LHX4: variants seen among roughly 807,000 people sequenced by gnomAD.
LHX4 encodes the protein LIM homeobox 4.
In LHX4, 16 loss-of-function variants were observed where a neutral mutation model predicts 39.2. That is an observed-to-expected ratio of 0.41 (90% CI 0.28 to 0.62). LHX4 has a LOEUF of 0.62. Among genes scored for constraint, LHX4 ranks in the 20% least tolerant of loss-of-function variants. LHX4 has a pLI of 0.33. For synonymous variants in LHX4, 206 were observed against 198.1 expected, an observed-to-expected ratio of 1.04 and a Z score of -0.33; for missense variants, 439 against 511.9, an observed-to-expected ratio of 0.86 and a Z score of 1.37.
intron 2 of LHX4, among the ~76,000 whole-genome samples, chr1:180,249,592 A>G (rs1334318680): frequency 6.6e-6 from 1 of 152,226 alleles, no homozygotes; most frequent in Non-Finnish European, 1.5e-5. Context: ...CTCATGCTGA[A>G]GCTGTGTATT....
At position 180,238,112 on chromosome 1, in the gene LHX4, C is replaced by A. The variant is rs563194899; in HGVS notation, c.76+7507C>A. ...TACATTGTGTATTTCATTTGTTACT[C>A]GACTCCTTATGTTAAAATATCCAAA... is the stretch of plus-strand genomic sequence containing the variant. On this transcript the variant is annotated intron_variant, in intron 1 of 5. Coordinates refer to ENST00000263726, the MANE Select transcript of LHX4 (RefSeq NM_033343.4). Among the ~76,000 whole-genome samples, 8 of 152,318 alleles carry A rather than the reference C, an allele frequency of 5.3e-5. No individual in the cohort carries two copies. The South Asian group carries it at 8.3e-4, about 16-fold the overall frequency.
At chr1:180,241,454 C>CTA (rs1426070284) in intron 1 of LHX4, among the ~76,000 whole-genome samples, 1 of 152,134 alleles carries the variant, frequency 6.6e-6, no homozygotes, top group Admixed American at 6.5e-5. Flanking sequence ...TGGCAACTGG[C>CTA]TATGAGACAG....
intron 1 of LHX4, among the ~76,000 whole-genome samples, chr1:180,231,580 C>T (rs1195146420): frequency 7.2e-6 from 1 of 138,808 alleles, no homozygotes; most frequent in Non-Finnish European, 1.6e-5. Flanking sequence ...GCGCGCGCGA[C>T]AAGCGCCGGG....
rs777063568 is a variant in LHX4 at position 180,271,851 on chromosome 1, G to A, written c.623G>A (p.Arg208Lys). The A allele has an allele frequency of 1.2e-6, 2 of 1,613,876 alleles. No homozygotes were observed. The highest frequency in any genetic ancestry group is 3.3e-4 in the Middle Eastern group (2 of 6,060). The change falls in exon 5 of 6, where the codon AGA (arginine) becomes AAA (lysine). Residue 208 changes from arginine (R) to lysine (K), a missense_variant. Coordinates refer to ENST00000263726, the MANE Select transcript of LHX4 (RefSeq NM_033343.4). ...GTGTGGCAGGTTTGGTTTCAGAACA[G>A]AAGGGCCAAAGAGAAACGCCTGAAG... ...MRVVQVWFQN[R>K]RAKEKRLKKD...
intron 2 of LHX4, among the ~76,000 whole-genome samples, chr1:180,254,972 C>T (rs1272923780): frequency 3.3e-5 from 5 of 152,176 alleles, no homozygotes; most frequent in African/African-American, 1.2e-4. Flanking sequence ...CAGGCTGTGT[C>T]AGTGGTAGTG....
At chr1:180,273,612 A>G (rs1279186609) in intron 5 of LHX4, 1 of 152,752 alleles carries the variant, frequency 6.5e-6, no homozygotes, top group Non-Finnish European at 1.5e-5. Context: ...TAATCAAGTC[A>G]ATTCTTTGTC....
At chr1:180,246,901 A>G (rs1377720700) in intron 1 of LHX4, among the ~76,000 whole-genome samples, 1 of 152,192 alleles carries the variant, frequency 6.6e-6, no homozygotes, top group Admixed American at 6.5e-5. Flanking sequence ...TGTGCCAGGC[A>G]CCGTGCTAGG....
intron 2 of LHX4, among the ~76,000 whole-genome samples, chr1:180,256,673 C>T (rs1340469078): frequency 6.6e-6 from 1 of 152,182 alleles, no homozygotes; most frequent in African/African-American, 2.4e-5. Context: ...CTGCACTGGG[C>T]CATCCGTGGG....
chr1:180,268,228 T>C (rs1366480286), intron 3 of LHX4, among the ~76,000 whole-genome samples: 1 of 152,180 alleles, frequency 6.6e-6, no homozygotes, highest in African/African-American at 2.4e-5. Flanking sequence ...GGAAGTCTAG[T>C]GCCGTTCATC....
chr1:180,240,840 C>T (rs182300011), intron 1 of LHX4, among the ~76,000 whole-genome samples: 6 of 152,172 alleles, frequency 3.9e-5, no homozygotes, highest in Admixed American at 6.5e-5. Flanking sequence ...TTCTGATGGG[C>T]CACTGTGAAA....
At chr1:180,241,120 A>G (rs539912582) in intron 1 of LHX4, among the ~76,000 whole-genome samples, 1 of 152,326 alleles carries the variant, frequency 6.6e-6, no homozygotes, top group African/African-American at 2.4e-5. Context: ...AAGATCAGGC[A>G]GTTGTGGCCT....
intron 1 of LHX4, among the ~76,000 whole-genome samples, chr1:180,242,090 C>T (rs1295687010): frequency 1.3e-5 from 2 of 152,096 alleles, no homozygotes; most frequent in Non-Finnish European, 2.9e-5. Flanking sequence ...TTTCTACTTC[C>T]TTCTGCTTTT....
intron 1 of LHX4, among the ~76,000 whole-genome samples, chr1:180,239,874 G>A (rs1400193809): frequency 1.3e-5 from 2 of 152,292 alleles, no homozygotes; most frequent in Admixed American, 6.5e-5. Context: ...AGACACAGCC[G>A]CCCCTGGGAG....
chr1:180,229,961 G>GAGGCGGGGGGGGC (rs1238008078), upstream of LHX4, among the ~76,000 whole-genome samples: 2,584 of 47,334 alleles, frequency 0.055, 138 homozygotes, highest in East Asian at 0.065. Context: ...GGCGGAGGCG[G>GAGGCGGGGGGGGC]GGAGGGGGGG....
upstream of LHX4, among the ~76,000 whole-genome samples, chr1:180,228,550 A>G (rs1439015264): frequency 2.0e-5 from 3 of 152,146 alleles, no homozygotes; most frequent in South Asian, 2.1e-4. Flanking sequence ...TTTGCTTACT[A>G]GTTATATTTC....
At chr1:180,261,763 G>A (rs1648120930) in intron 2 of LHX4, among the ~76,000 whole-genome samples, 1 of 152,216 alleles carries the variant, frequency 6.6e-6, no homozygotes, top group African/African-American at 2.4e-5. Context: ...ATGTTCTGCA[G>A]GAAGGGGCAG....
At chr1:180,246,951 TA>T (rs1355091667) in intron 1 of LHX4, among the ~76,000 whole-genome samples, 1 of 152,216 alleles carries the variant, frequency 6.6e-6, no homozygotes, top group African/African-American at 2.4e-5. Flanking sequence ...AGGTGTCTTT[TA>T]TAATAGGGGT....
intron 2 of LHX4, among the ~76,000 whole-genome samples, chr1:180,257,449 G>GT (rs1227476657): frequency 6.6e-6 from 1 of 152,204 alleles, no homozygotes; most frequent in Non-Finnish European, 1.5e-5. Context: ...AGCCCCCGAG[G>GT]CTCTAAGATT....
At chr1:180,241,203 AAG>A (rs1210978229) in intron 1 of LHX4, among the ~76,000 whole-genome samples, 1 of 152,198 alleles carries the variant, frequency 6.6e-6, no homozygotes, top group East Asian at 1.9e-4. Context: ...CTGCAGAGGA[AAG>A]AGTCTGCCAG....
Sources: allele counts gnomAD v4.1 joint callset (sites outside exome capture counted in the v4.1 genomes callset), GRCh38; gene constraint gnomAD v4.1.1; transcripts MANE v1.5; gene names NCBI Gene and HGNC (gene_info 2026-07-23, HGNC 2026-07-21).